Variants in FGD5 observed in about 807,000 individuals in gnomAD.
FGD5 encodes FYVE, RhoGEF and PH domain containing 5.
Under a neutral mutation model 133.4 loss-of-function variants are expected in FGD5, and 28 were observed. The observed-to-expected ratio is 0.21, with a 90% CI of 0.16 to 0.29. The LOEUF (loss-of-function observed/expected upper bound fraction) is 0.29. FGD5 is among the 10% of genes least tolerant of loss of function. FGD5 has a pLI of 1.00. For missense variants in FGD5, 1,858 were observed against 1,895.2 expected (o/e 0.98, Z 0.36); for synonymous variants, 810 against 776.5 (o/e 1.04, Z -0.72).
rs982492304 is a variant in FGD5 at position 14,819,044 on chromosome 3, G to A, written c.-28G>A. 2.0e-6 allele frequency: 3 copies of A among 1,520,442 alleles called. No homozygotes were observed. Among genetic ancestry groups the A allele is most frequent in the Non-Finnish European group, 2.6e-6 (3 of 1,133,150 alleles). The allele number at this position is 1,520,442 out of a possible 1,614,324, so 94.2% of individuals were successfully genotyped here. A position where few individuals can be genotyped will look rare whatever the true frequency, so the allele number is the denominator to read the frequency against. ...CGCCCAAATTCCCTTCCTCAGCCAG[G>A]CCCGAGAGTCTTCACAGTCCAAACT... On this transcript the variant is annotated 5_prime_UTR_variant, in exon 1 of 20. Transcript: ENST00000285046. This position sits in a 1 kb window ranked among gnomAD's most constrained non-coding sequence, Gnocchi z 4.1.
chr3:14,916,409 C>A (rs1023688109), intron 11 of FGD5, among the ~76,000 whole-genome samples: 3 of 152,186 alleles, frequency 2.0e-5, no homozygotes, highest in Admixed American at 6.5e-5. Context: ...GTCTGCCCTG[C>A]TGTGGGGAGA....
intron 1 of FGD5, among the ~76,000 whole-genome samples, chr3:14,849,577 G>A (rs1314346844): frequency 6.6e-6 from 1 of 152,192 alleles, no homozygotes; most frequent in Non-Finnish European, 1.5e-5. Context: ...GTGGTTGAAA[G>A]TGCTTCTAAC....
chr3:14,830,850 T>C (rs1391964267), intron 1 of FGD5, among the ~76,000 whole-genome samples: 1 of 152,206 alleles, frequency 6.6e-6, no homozygotes, highest in Admixed American at 6.5e-5. Context: ...CTGAGCCGGG[T>C]GCTGCTCTCT....
At chr3:14,914,376 G>GC (rs2038512075) in intron 11 of FGD5, among the ~76,000 whole-genome samples, 2 of 152,330 alleles carry the variant, frequency 1.3e-5, no homozygotes, top group South Asian at 2.1e-4. Context: ...ACAGTGGGAA[G>GC]CCCCCCTACC....
At chr3:14,878,357 T>C (rs536901684) in intron 2 of FGD5, among the ~76,000 whole-genome samples, 2 of 152,254 alleles carry the variant, frequency 1.3e-5, no homozygotes. Context: ...CTGCTGCTAC[T>C]GTCAGAGGAG....
chr3:14,819,825 G>A lies in FGD5; in HGVS notation c.754G>A (p.Glu252Lys), dbSNP rs772694669. 6.2e-7 allele frequency: 1 copy of A among 1,601,862 alleles called. No homozygotes were observed. The highest frequency in any genetic ancestry group is 8.5e-7 in the Non-Finnish European group (1 of 1,174,380). Reference protein sequence around the residue: ...MGQDAEDTSEEPPEKEELAGV... With the variant: ...MGQDAEDTSEKPPEKEELAGV... ...ACAGGATGCTGAGGACACCAGTGAG[G>A]AGCCCCCTGAGAAGGAGGAGCTGGC... Residue 252 changes from glutamate (E) to lysine (K), a missense_variant, in exon 1 of 20, where the codon GAG (glutamate) becomes AAG (lysine). Physicochemically the swap from Glu to Lys is moderately conservative, Grantham distance 56 (BLOSUM62 1). Transcript: ENST00000285046. The surrounding 1 kb of genome is among the most constrained non-coding windows in gnomAD (Gnocchi z 4.1).
In FGD5 at chr3:14,852,017, A is replaced by G. The variant is rs182691037; in HGVS notation, c.2526-12111A>G. 1.9e-3 allele frequency among the ~76,000 whole-genome samples: 293 copies of G among 152,326 alleles called. 2 individuals are homozygous for G. The highest frequency in any genetic ancestry group is 3.3e-3 in the Non-Finnish European group (223 of 68,038). ...TCCTGGTAGGAATGTGGAATGATAC[A>G]GCCTCTTTGGAGTACAGTCTGGTAG... On this transcript the variant is annotated intron_variant, in intron 1 of 19. Transcript: ENST00000285046.
intron 1 of FGD5, among the ~76,000 whole-genome samples, chr3:14,844,217 A>AAAATATATATATATATAT (rs1559477363): frequency 4.9e-5 from 1 of 20,384 alleles, no homozygotes; most frequent in Non-Finnish European, 8.5e-5. Context: ...AAAAAAAAAA[A>AAAATATATATATATATAT]ATATATATAT....
chr3:14,924,114 G>T lies in FGD5; in HGVS notation c.4044G>T (p.Lys1348Asn), dbSNP rs372818985. The T allele has an allele frequency of 2.5e-6, 4 of 1,613,878 alleles. No individual in the cohort carries two copies. In the African/African-American group the frequency reaches 4.0e-5, roughly 16 times the overall value. Residue 1348 changes from lysine to asparagine, a missense_variant, in exon 17 of 20, where the codon AAG becomes AAT. Physicochemically the swap from Lys to Asn is moderately conservative, Grantham distance 94 (BLOSUM62 0). Transcript: ENST00000285046. ...SINPSTFKKQ[K>N]KVPSALTEVA... ...ACCCCTCGACCTTCAAGAAGCAGAA[G>T]AAAGTCCCTTCAGCCCTGACAGAGG...
intron 1 of FGD5, among the ~76,000 whole-genome samples, chr3:14,831,464 T>C (rs1310385331): frequency 6.6e-6 from 1 of 152,094 alleles, no homozygotes; most frequent in African/African-American, 2.4e-5. Context: ...CTGTGTGATT[T>C]TTAAGCGGCT....
intron 11 of FGD5, among the ~76,000 whole-genome samples, chr3:14,913,930 T>A (rs2038499916): frequency 6.6e-6 from 1 of 151,626 alleles, no homozygotes; most frequent in Admixed American, 6.6e-5. Context: ...GCCCTGCTTC[T>A]CTTCTTCCCC....
At chr3:14,843,421 CAG>C (rs1361948180) in intron 1 of FGD5, among the ~76,000 whole-genome samples, 2 of 152,138 alleles carry the variant, frequency 1.3e-5, no homozygotes, top group East Asian at 1.9e-4. Context: ...GCCCTGAAAT[CAG>C]GGGCTGGGCA....
chr3:14,816,477 T>C (rs1046625152), upstream of FGD5, among the ~76,000 whole-genome samples: 1 of 152,216 alleles, frequency 6.6e-6, no homozygotes, highest in African/African-American at 2.4e-5. Context: ...CCTTTTGATA[T>C]GTAGCCTTTA....
chr3:14,904,586 T>C (rs1052922568), intron 9 of FGD5, among the ~76,000 whole-genome samples: 4 of 152,110 alleles, frequency 2.6e-5, no homozygotes, highest in African/African-American at 9.7e-5. Flanking sequence ...ACCTTGTGTA[T>C]TTCCTGCCCC....
Position 14,923,082 on chromosome 3 carries a change from C to G in FGD5, c.3844C>G (p.Leu1282Val). 1 of 1,613,890 alleles carries G rather than the reference C, an allele frequency of 6.2e-7. No homozygotes were observed. Among genetic ancestry groups the G allele is most frequent in the South Asian group, 1.1e-5 (1 of 91,070 alleles). The change falls in exon 16 of 20, where the codon CTG becomes GTG. Residue 1282 changes from leucine to valine, a missense_variant. This residue lies in a region of FGD5 where 1,824 missense variants were observed against 1,848.9 expected (regional missense o/e 0.99). Coordinates refer to ENST00000285046, the MANE Select transcript of FGD5 (RefSeq NM_152536.4). ...CRNCSRNKYP[L>V]KYLKDRMAKV... ...GAACTGTTCGCGGAACAAGTACCCG[C>G]TGAAGTACCTGAAGGACAGGATGGC... is the stretch of plus-strand genomic sequence containing the variant.
intron 9 of FGD5, 26 bp from the exon 10 acceptor site, chr3:14,907,614 C>G: frequency 6.2e-7 from 1 of 1,609,938 alleles, no homozygotes; most frequent in South Asian, 1.1e-5. Context: ...CTGACCATCT[C>G]TCCCTCACCC....
In FGD5 at chr3:14,810,972, C is replaced by T. The variant is rs145773015; in HGVS notation, c.13+107C>T. 3.3e-3 allele frequency: 3,053 copies of T among 912,846 alleles called. 9 individuals are homozygous for T. The highest frequency in any genetic ancestry group is 0.024 in the South Asian group (467 of 19,848). 56.5% of individuals were successfully genotyped at this position (912,846 alleles called of 1,614,324 possible). ...AGCCCGGGGCTAGCTGCCCGAAATC[C>T]TCCGACCTTCCAGTGCCGCTCGGCC... is the stretch of plus-strand genomic sequence containing the variant. On this transcript the variant is annotated intron_variant, in intron 1 of 1. Transcript: ENST00000640506.
chr3:14,888,556 T>G (rs2037966735), intron 4 of FGD5, among the ~76,000 whole-genome samples: 1 of 152,262 alleles, frequency 6.6e-6, no homozygotes, highest in Non-Finnish European at 1.5e-5. Flanking sequence ...TGGATATATT[T>G]CAGAGACTAA....
At chr3:14,914,835 G>T (rs142298522) in intron 11 of FGD5, among the ~76,000 whole-genome samples, 21 of 152,314 alleles carry the variant, frequency 1.4e-4, no homozygotes, top group Admixed American at 5.2e-4. Context: ...TTAGGACTGT[G>T]GGAGTGCACG....
Sources: gnomAD v4.1 joint callset for allele counts (sites outside exome capture counted in the v4.1 genomes callset) on GRCh38, gnomAD v4.1.1 for gene constraint, gnomAD v4.1.1 regional missense constraint, Gnocchi (gnomAD v3.1) non-coding constraint, MANE v1.5 for transcripts, NCBI Gene and HGNC (gene_info 2026-07-23, HGNC 2026-07-21) for gene names.